The following CFAP53 variants were observed in gnomAD, a reference collection of about 807,000 sequenced individuals.
CFAP53 encodes the protein cilia- and flagella-associated protein 53.
A neutral mutation model predicts 59.7 loss-of-function variants in CFAP53; 62 were observed. The observed-to-expected ratio is 1.04, with a 90% CI of 0.85 to 1.28. The LOEUF is 1.28. CFAP53 is among the 50% of genes most tolerant of loss of function. CFAP53 has a pLI of 0.00. For missense variants in CFAP53, 629 were observed against 615.6 expected, an observed-to-expected ratio of 1.02 and a Z score of -0.23; for synonymous variants, 218 against 205.7, an observed-to-expected ratio of 1.06 and a Z score of -0.51.
At chr18:50,244,708 T>C (rs1291047379) in intron 5 of CFAP53, among the ~76,000 whole-genome samples, 1 of 152,088 alleles carries the variant, frequency 6.6e-6, no homozygotes, top group Non-Finnish European at 1.5e-5. Flanking sequence ...ACTCTCATGA[T>C]CTAGAATCAG....
intron 3 of CFAP53, among the ~76,000 whole-genome samples, chr18:50,258,839 C>G (rs2033867233): frequency 6.6e-6 from 1 of 152,164 alleles, no homozygotes; most frequent in South Asian, 2.1e-4. Flanking sequence ...AAATGGCAAA[C>G]AGGCATATGA....
Position 50,238,721 on chromosome 18 carries a change from G to C in CFAP53, c.1214-16C>G. 2 of 1,572,104 alleles carry C rather than the reference G, an allele frequency of 1.3e-6. No individual in the cohort carries two copies. Among genetic ancestry groups the C allele is most frequent in the Non-Finnish European group, 1.7e-6 (2 of 1,145,730 alleles). On this transcript the variant is annotated splice_polypyrimidine_tract_variant and intron_variant, in intron 6 of 7. Transcript: ENST00000398545. ...TCTCGTTGCACTAAGAAAAGCAAAA[G>C]TAATTATATGTCAAATGACTTTCAG...
intron 7 of CFAP53, among the ~76,000 whole-genome samples, chr18:50,230,358 G>A (rs2033569078): frequency 6.6e-6 from 1 of 152,134 alleles, no homozygotes; most frequent in Non-Finnish European, 1.5e-5. Flanking sequence ...AGGGGAAGGT[G>A]GGGGCTGGAG....
intron 3 of CFAP53, among the ~76,000 whole-genome samples, chr18:50,254,747 G>A (rs190609981): frequency 5.9e-5 from 9 of 152,088 alleles, no homozygotes; most frequent in Admixed American, 3.9e-4. Flanking sequence ...AAAATTAGCC[G>A]GGCTTGGTTG....
intron 5 of CFAP53, among the ~76,000 whole-genome samples, chr18:50,249,166 G>GCACT (rs2033773796): frequency 7.0e-6 from 1 of 143,320 alleles, no homozygotes; most frequent in African/African-American, 2.6e-5. Context: ...TCACGCCACT[G>GCACT]CACTCCAGCC....
chr18:50,251,404 C>T (rs1048756978), intron 4 of CFAP53, 77 bp downstream of exon 4: 98 of 1,303,268 alleles, frequency 7.5e-5, no homozygotes, highest in Non-Finnish European at 1.0e-4. Flanking sequence ...ATCAGACAAA[C>T]TGTACTGTAA....
chr18:50,232,478 T>C (rs2033592460), intron 7 of CFAP53, among the ~76,000 whole-genome samples: 1 of 152,122 alleles, frequency 6.6e-6, no homozygotes, highest in South Asian at 2.1e-4. Flanking sequence ...ATACATTCCT[T>C]CAGATAACTG....
intron 6 of CFAP53, among the ~76,000 whole-genome samples, chr18:50,240,835 A>G (rs1409506124): frequency 6.6e-6 from 1 of 152,228 alleles, no homozygotes; most frequent in African/African-American, 2.4e-5. Context: ...CACTGGTGCG[A>G]AATCCAATGG....
rs115241169 is a variant in CFAP53 at position 50,232,773 on chromosome 18, G to A, written c.1317-5164C>T. On this transcript the variant is annotated intron_variant, in intron 7 of 7. Coordinates refer to ENST00000398545, the MANE Select transcript of CFAP53 (RefSeq NM_145020.5). ...CTGGGGTGCTAATGCTCTCCCTGGC[G>A]GGAGATAAACAAAAGTGGCAGGGGT... 4.2e-3 allele frequency among the ~76,000 whole-genome samples: 634 copies of A among 152,332 alleles called. 5 individuals are homozygous for A. Among genetic ancestry groups the A allele is most frequent in the African/African-American group, 0.014 (584 of 41,584 alleles).
In CFAP53 at chr18:50,266,336, C is replaced by G. The variant is rs751679674; in HGVS notation, c.69G>C (p.Val23=). 1 of 1,614,192 alleles carries G rather than the reference C, an allele frequency of 6.2e-7. No homozygotes were observed. Among genetic ancestry groups the G allele is most frequent in the South Asian group, 1.1e-5 (1 of 91,088 alleles). ...VKGPTPKVVI[V]RSKPPKGQGA... Reference sequence around the variant, plus strand: ...TCTGGCAGACATATCCTGTGCTTACCACGATCACCACTTTGGGGGTGGGGC... The same window carrying G: ...TCTGGCAGACATATCCTGTGCTTACGACGATCACCACTTTGGGGGTGGGGC... The change falls in exon 1 of 8, where the codon GTG becomes GTC. Residue 23 remains valine (V), a splice_region_variant and synonymous_variant. Coordinates refer to ENST00000398545, the MANE Select transcript of CFAP53 (RefSeq NM_145020.5).
rs550023296 is a variant in CFAP53, at chr18:50,251,428, T to C, written c.777+53A>G. ...ACTGTACTGTAACAGGCCTGCAAAC[T>C]GTACTACACCCATGGCGTTGATCAC... On this transcript the variant is annotated intron_variant, in intron 4 of 7. Coordinates refer to ENST00000398545, the MANE Select transcript of CFAP53 (RefSeq NM_145020.5). 4.7e-5 allele frequency: 70 copies of C among 1,489,414 alleles called. 1 individual carries two copies. In the South Asian group the frequency reaches 7.5e-4, roughly 16 times the overall value. The allele number at this position is 1,489,414 out of a possible 1,614,324, so 92.3% of individuals were successfully genotyped here.
intron 6 of CFAP53, among the ~76,000 whole-genome samples, chr18:50,239,955 A>G (rs187812404): frequency 3.9e-5 from 6 of 152,230 alleles, no homozygotes; most frequent in African/African-American, 1.4e-4. Flanking sequence ...CACTTGTTAG[A>G]TATGAGTTCT....
rs143450486 is a variant in CFAP53 at position 50,230,660 on chromosome 18, G to A, written c.1317-3051C>T. 1.2e-3 allele frequency among the ~76,000 whole-genome samples: 181 copies of A among 152,328 alleles called. 2 individuals are homozygous for A. The East Asian group carries it at 0.028, about 23-fold the overall frequency. On this transcript the variant is annotated intron_variant, in intron 7 of 7. Transcript: ENST00000398545. ...AGGTGGTCTGGGACTAGCATCTGGT[G>A]TCTGAAGTGGCAGCAGTTCTGTGGG...
chr18:50,259,725 G>C lies in CFAP53; in HGVS notation c.473+1339C>G, dbSNP rs116919627. Among the ~76,000 whole-genome samples the C allele has an allele frequency of 5.8e-3, 884 of 151,978 alleles. 5 individuals carry two copies. Among genetic ancestry groups the C allele is most frequent in the South Asian group, 0.016 (75 of 4,802 alleles). ...TGGAATTACAGACATGAGCCACTGC[G>C]CCCGGCCAATTTTTTTATTTTTTGT... On this transcript the variant is annotated intron_variant, in intron 3 of 7. Coordinates refer to ENST00000398545, the MANE Select transcript of CFAP53 (RefSeq NM_145020.5).
chr18:50,231,566 G>A (rs778226207), intron 7 of CFAP53, among the ~76,000 whole-genome samples: 1 of 152,214 alleles, frequency 6.6e-6, no homozygotes, highest in Non-Finnish European at 1.5e-5. Flanking sequence ...ACCTGTTCAG[G>A]TGAGGGACCT....
chr18:50,236,737 A>G (rs531410580), intron 7 of CFAP53, among the ~76,000 whole-genome samples: 1 of 152,188 alleles, frequency 6.6e-6, no homozygotes, highest in Admixed American at 6.5e-5. Flanking sequence ...CTTCAGATGA[A>G]TATATAGCCT....
At chr18:50,245,049 T>G (rs1313834223) in intron 5 of CFAP53, among the ~76,000 whole-genome samples, 1 of 91,506 alleles carries the variant, frequency 1.1e-5, no homozygotes, top group Non-Finnish European at 2.0e-5. Context: ...GGTGACAGAA[T>G]GAGACTCTAT....
chr18:50,251,242 A>C (rs531302679), intron 4 of CFAP53, among the ~76,000 whole-genome samples: 8 of 152,362 alleles, frequency 5.3e-5, no homozygotes, highest in South Asian at 2.1e-4. Context: ...TTTTAATCCC[A>C]GTACCCATCA....
intron 7 of CFAP53, among the ~76,000 whole-genome samples, chr18:50,234,967 T>C (rs570802664): frequency 2.0e-4 from 31 of 152,234 alleles, no homozygotes; most frequent in Non-Finnish European, 3.5e-4. Flanking sequence ...GCTAAAGTCA[T>C]GGCCATCAAG....
Sources: allele counts gnomAD v4.1 joint callset (sites outside exome capture counted in the v4.1 genomes callset), GRCh38; gene constraint gnomAD v4.1.1; transcripts MANE v1.5; gene names NCBI Gene and HGNC (gene_info 2026-07-23, HGNC 2026-07-21).